The following ZNHIT6 variants were observed in gnomAD, a reference collection of about 807,000 sequenced individuals.
ZNHIT6 encodes box C/D snoRNA protein 1.
A neutral mutation model predicts 57.2 loss-of-function variants in ZNHIT6; 45 were observed. The ratio of observed to expected loss-of-function variants is 0.79; its 90% CI spans 0.62 to 1.01. ZNHIT6 has a LOEUF of 1.01. ZNHIT6 is among the 50% of genes least tolerant of loss of function. The probability of loss-of-function intolerance (pLI) is 0.00; values close to 1 mark genes in which losing one functional copy is unlikely to be tolerated. For missense variants in ZNHIT6, 528 were observed against 567.3 expected (o/e 0.93, Z 0.70); for synonymous variants, 188 against 190.0 (o/e 0.99, Z 0.09).
At position 85,708,239 on chromosome 1, in the gene ZNHIT6, G is replaced by A. The variant is rs1335841582; in HGVS notation, c.46C>T (p.His16Tyr). The A allele has an allele frequency of 6.2e-7, 1 of 1,610,912 alleles. No individual in the cohort carries two copies. Among genetic ancestry groups the A allele is most frequent in the African/African-American group, 1.3e-5 (1 of 74,874 alleles). ...ENEGKSGGGL[H>Y]SVAEGVRLSP... ...AGCCGCACCCCCTCAGCTACGCTGTGGAGACCTCCCCCAGACTTCCCTTCA... is the reference window on the plus strand; with the variant it reads ...AGCCGCACCCCCTCAGCTACGCTGTAGAGACCTCCCCCAGACTTCCCTTCA... Residue 16 changes from histidine to tyrosine, a missense_variant, in exon 1 of 10, where the codon CAC becomes TAC. Physicochemically the swap from His to Tyr is moderately conservative, Grantham distance 83. Coordinates refer to ENST00000370574, the MANE Select transcript of ZNHIT6 (RefSeq NM_017953.4).
intron 8 of ZNHIT6, among the ~76,000 whole-genome samples, chr1:85,676,218 C>T (rs1025043327): frequency 6.6e-6 from 1 of 151,954 alleles, no homozygotes; most frequent in Non-Finnish European, 1.5e-5. Flanking sequence ...TGCCTGTAAT[C>T]CCAGCTACTC....
intron 5 of ZNHIT6, among the ~76,000 whole-genome samples, chr1:85,697,998 A>G (rs1662426165): frequency 6.6e-6 from 1 of 152,182 alleles, no homozygotes; most frequent in African/African-American, 2.4e-5. Flanking sequence ...AAAAGCCACT[A>G]TTTTAAAGTA....
intron 5 of ZNHIT6, among the ~76,000 whole-genome samples, chr1:85,694,587 G>T (rs369355771): frequency 6.6e-6 from 1 of 151,768 alleles, no homozygotes; most frequent in African/African-American, 2.4e-5. Flanking sequence ...TCAGCCTCCC[G>T]CGTAGCTGGG....
chr1:85,667,689 T>C (rs1661409916), intron 8 of ZNHIT6, among the ~76,000 whole-genome samples: 2 of 150,066 alleles, frequency 1.3e-5, no homozygotes, highest in South Asian at 4.2e-4. Flanking sequence ...TCCCAGCACT[T>C]TGGGAGGCTG....
chr1:85,684,524 C>T lies in ZNHIT6; in HGVS notation c.1020-3620G>A, dbSNP rs531476649. Among the ~76,000 whole-genome samples the T allele has an allele frequency of 4.3e-4, 66 of 152,072 alleles. 1 individual carries two copies. Among genetic ancestry groups the T allele is most frequent in the Non-Finnish European group, 5.3e-4 (36 of 67,978 alleles). ...GTGTATCTATGGTATCAAAATATCACGGCAGAAAGCTCCTTGGGAGGCAAT... is the reference window on the plus strand; with the variant it reads ...GTGTATCTATGGTATCAAAATATCATGGCAGAAAGCTCCTTGGGAGGCAAT... On this transcript the variant is annotated intron_variant, in intron 5 of 9. Transcript: ENST00000370574.
chr1:85,708,216 C>T lies in ZNHIT6; in HGVS notation c.69G>A (p.Arg23=). The change falls in exon 1 of 10, where the codon CGG becomes CGA. Residue 23 remains arginine (R), a synonymous_variant. Transcript: ENST00000370574. ...CCTCCCTGCCAGGCTCTGGACTTAG[C>T]CGCACCCCCTCAGCTACGCTGTGGA... ...GGLHSVAEGV[R]LSPEPGREGV... 2 of 1,613,912 alleles carry T rather than the reference C, an allele frequency of 1.2e-6. No homozygotes were observed. The highest frequency in any genetic ancestry group is 1.1e-5 in the South Asian group (1 of 91,072).
At chr1:85,682,218 G>A (rs1425117952) in intron 5 of ZNHIT6, among the ~76,000 whole-genome samples, 1 of 150,086 alleles carries the variant, frequency 6.7e-6, no homozygotes, top group East Asian at 1.9e-4. Context: ...TAGACACAGG[G>A]TTTCACTACG....
In ZNHIT6 at chr1:85,653,964, C is replaced by A; in HGVS notation, c.*94G>T. The stretch of plus-strand genomic sequence containing the variant: ...CATACAAAGAAAAAATTCCAATCAC[C>A]CATTGACAATACCCCAATCAGCCAA... On this transcript the variant is annotated 3_prime_UTR_variant, in exon 10 of 10. Coordinates refer to ENST00000370574, the MANE Select transcript of ZNHIT6 (RefSeq NM_017953.4). 1 of 945,448 alleles carries A rather than the reference C, an allele frequency of 1.1e-6. No individual in the cohort carries two copies. The highest frequency in any genetic ancestry group is 1.5e-5 in the South Asian group (1 of 66,138). The allele number at this position is 945,448 out of a possible 1,614,324, so 58.6% of individuals were successfully genotyped here. A position where few individuals can be genotyped will look rare whatever the true frequency, so the allele number is the denominator to read the frequency against.
At chr1:85,684,990 A>G (rs1489793020) in intron 5 of ZNHIT6, among the ~76,000 whole-genome samples, 6 of 152,140 alleles carry the variant, frequency 3.9e-5, no homozygotes, top group African/African-American at 1.4e-4. Context: ...TATAAATAAA[A>G]TATTTTTCCT....
At chr1:85,678,145 C>T (rs1408190119) in intron 7 of ZNHIT6, among the ~76,000 whole-genome samples, 2 of 152,122 alleles carry the variant, frequency 1.3e-5, no homozygotes, top group African/African-American at 4.8e-5. Flanking sequence ...TGAATCTTTC[C>T]ACTATGTTAT....
intron 4 of ZNHIT6, among the ~76,000 whole-genome samples, chr1:85,704,362 A>G (rs1417082014): frequency 6.6e-6 from 1 of 152,148 alleles, no homozygotes; most frequent in African/African-American, 2.4e-5. Context: ...ATTCTTACAG[A>G]AAATCCAAAA....
chr1:85,697,109 A>C (rs986477902), intron 5 of ZNHIT6, among the ~76,000 whole-genome samples: 1 of 151,598 alleles, frequency 6.6e-6, no homozygotes, highest in Non-Finnish European at 1.5e-5. Flanking sequence ...TGACCTCGTG[A>C]TCCACCTGCC....
At position 85,708,287 on chromosome 1, in the gene ZNHIT6, A is replaced by T. The variant is rs762377465; in HGVS notation, c.-3T>A. ...TCATTTTCAGCAGCAAACTCCATCA[A>T]CTCACGATCCTTGGCCTCTGCTGCC... On this transcript the variant is annotated 5_prime_UTR_variant, in exon 1 of 10. It adds an upstream start codon to the 5' untranslated region. Transcript: ENST00000370574. The T allele has an allele frequency of 1.6e-5, 25 of 1,591,146 alleles. No homozygotes were observed. Among genetic ancestry groups the T allele is most frequent in the Non-Finnish European group, 2.1e-5 (24 of 1,167,260 alleles).
At chr1:85,667,168 G>GGTTCT (rs1661391796) in intron 8 of ZNHIT6, among the ~76,000 whole-genome samples, 1 of 152,090 alleles carries the variant, frequency 6.6e-6, no homozygotes, top group South Asian at 2.1e-4. Flanking sequence ...TTTGGATCTA[G>GGTTCT]GTTCTACCGT....
At chr1:85,687,149 G>A (rs1342751328) in intron 5 of ZNHIT6, among the ~76,000 whole-genome samples, 7 of 151,024 alleles carry the variant, frequency 4.6e-5, no homozygotes, top group African/African-American at 1.7e-4. Context: ...GATTGGTGGC[G>A]CTCAACTGTA....
intron 5 of ZNHIT6, among the ~76,000 whole-genome samples, chr1:85,696,290 T>C (rs1162137663): frequency 6.6e-6 from 1 of 152,144 alleles, no homozygotes; most frequent in African/African-American, 2.4e-5. Flanking sequence ...TCTGTGGAGA[T>C]GGCATCTTGC....
rs1162381032 is a variant in ZNHIT6, at chr1:85,653,411, T to A, written c.*647A>T. On this transcript the variant is annotated 3_prime_UTR_variant, in exon 10 of 10. Coordinates refer to ENST00000370574, the MANE Select transcript of ZNHIT6 (RefSeq NM_017953.4). Reference sequence around the variant, plus strand: ...TTTAGTGAGGTTCTACTAAAGGGAATGCCAACTTTGTGGTTGACATGGGTG... The same window carrying A: ...TTTAGTGAGGTTCTACTAAAGGGAAAGCCAACTTTGTGGTTGACATGGGTG... 1 of 152,136 alleles carries A rather than the reference T, an allele frequency of 6.6e-6. No individual in the cohort carries two copies. Among genetic ancestry groups the A allele is most frequent in the South Asian group, 2.1e-4 (1 of 4,830 alleles). The allele number at this position is 152,136 out of a possible 1,614,324, so 9.4% of individuals were successfully genotyped here. A position where few individuals can be genotyped will look rare whatever the true frequency, so the allele number is the denominator to read the frequency against.
intron 5 of ZNHIT6, among the ~76,000 whole-genome samples, chr1:85,681,358 A>G (rs535961313): frequency 6.6e-6 from 1 of 152,326 alleles, no homozygotes; most frequent in South Asian, 2.1e-4. Flanking sequence ...GCTAAGCAGA[A>G]TGCACTTTGA....
At chr1:85,698,931 T>C (rs1662454731) in intron 5 of ZNHIT6, among the ~76,000 whole-genome samples, 1 of 152,144 alleles carries the variant, frequency 6.6e-6, no homozygotes, top group Non-Finnish European at 1.5e-5. Context: ...ATTGTCACTG[T>C]ATATTATTTA....
Sources: allele counts gnomAD v4.1 joint callset (sites outside exome capture counted in the v4.1 genomes callset), GRCh38; gene constraint gnomAD v4.1.1; transcripts MANE v1.5; gene names NCBI Gene and HGNC (gene_info 2026-07-23, HGNC 2026-07-21).